The following USH2A variants were observed in gnomAD, a reference collection of about 807,000 sequenced individuals.
USH2A encodes the protein Usher syndrome 2A (autosomal recessive, mild).
USH2A carries 443 observed loss-of-function variants against 538.9 expected under a neutral mutation model. The observed-to-expected ratio is 0.82, with a 90% CI of 0.76 to 0.89. USH2A has a LOEUF of 0.89. USH2A is among the 40% of genes least tolerant of loss of function. USH2A has a pLI of 0.00. For missense variants in USH2A, 6,633 were observed against 6,324.8 expected (o/e 1.05, Z -1.65); for synonymous variants, 2,413 against 2,273.5 (o/e 1.06, Z -1.75).
chr1:215,669,043 G>T (rs1037975250), intron 64 of USH2A, among the ~76,000 whole-genome samples: 1 of 151,972 alleles, frequency 6.6e-6, no homozygotes, highest in African/African-American at 2.4e-5. Flanking sequence ...ACTCTGTCTC[G>T]AACAAAGAAA....
chr1:216,091,280 A>C (rs2032295321), intron 22 of USH2A, among the ~76,000 whole-genome samples: 1 of 152,194 alleles, frequency 6.6e-6, no homozygotes, highest in South Asian at 2.1e-4. Context: ...GCTTCCTTCC[A>C]AGTAAGCCCA....
intron 9 of USH2A, among the ~76,000 whole-genome samples, chr1:216,294,428 A>G (rs1233086930): frequency 1.3e-5 from 2 of 151,972 alleles, no homozygotes; most frequent in African/African-American, 2.4e-5. Flanking sequence ...TTGTATTACT[A>G]CATAGTTTTG....
At position 215,726,698 on chromosome 1, in the gene USH2A, G is replaced by T. The variant is rs547945237; in HGVS notation, c.12066+1332C>A. On this transcript the variant is annotated intron_variant, in intron 61 of 71. Transcript: ENST00000307340. ...TTGAGGGTTTTCCATATTTAATAAG[G>T]TCTTGGCACATATTTGTATTTCACT... Among the ~76,000 whole-genome samples the T allele has an allele frequency of 6.6e-5, 10 of 152,008 alleles. No homozygotes were observed. The East Asian group carries it at 1.9e-3, about 29-fold the overall frequency.
At chr1:215,941,392 G>T (rs1184639123) in intron 37 of USH2A, among the ~76,000 whole-genome samples, 1 of 152,032 alleles carries the variant, frequency 6.6e-6, no homozygotes, top group African/African-American at 2.4e-5. Flanking sequence ...TAGAAGTATG[G>T]TCTATTTTTA....
At chr1:216,212,046 G>C (rs1476738595) in intron 15 of USH2A, among the ~76,000 whole-genome samples, 1 of 152,050 alleles carries the variant, frequency 6.6e-6, no homozygotes, top group Non-Finnish European at 1.5e-5. Flanking sequence ...AATCAAAACT[G>C]ACCTTCAGAT....
chr1:215,693,090 A>ATGTGTG (rs759484242), intron 61 of USH2A, among the ~76,000 whole-genome samples: 17 of 52,664 alleles, frequency 3.2e-4, no homozygotes, highest in East Asian at 1.3e-3. Context: ...ATATATATAT[A>ATGTGTG]TATGTGTGTG....
intron 3 of USH2A, among the ~76,000 whole-genome samples, chr1:216,368,355 G>A (rs935996928): frequency 6.6e-6 from 1 of 152,098 alleles, no homozygotes; most frequent in Non-Finnish European, 1.5e-5. Flanking sequence ...CTAGATTATA[G>A]TAATTTTCCA....
intron 3 of USH2A, among the ~76,000 whole-genome samples, chr1:216,407,164 A>G (rs2039409678): frequency 6.6e-6 from 1 of 151,972 alleles, no homozygotes; most frequent in Admixed American, 6.6e-5. Flanking sequence ...ACAATTGAAC[A>G]CTAAGTATAA....
intron 47 of USH2A, among the ~76,000 whole-genome samples, chr1:215,831,729 C>G (rs1480086947): frequency 6.6e-6 from 1 of 151,914 alleles, no homozygotes; most frequent in African/African-American, 2.4e-5. Flanking sequence ...GAAGAAAGGT[C>G]TCAAATCAAT....
chr1:215,874,045 G>A (rs536948888), intron 43 of USH2A, among the ~76,000 whole-genome samples: 1 of 152,244 alleles, frequency 6.6e-6, no homozygotes, highest in African/African-American at 2.4e-5. Context: ...TGATCACTTA[G>A]GAACCAAGGC....
chr1:216,409,195 G>A (rs528015702), intron 3 of USH2A, among the ~76,000 whole-genome samples: 1 of 152,138 alleles, frequency 6.6e-6, no homozygotes, highest in African/African-American at 2.4e-5. Context: ...AATGAGAAAT[G>A]CAAAGCACTG....
At position 215,877,282 on chromosome 1, in the gene USH2A, C is replaced by T. The variant is rs367698199; in HGVS notation, c.8681+476G>A. Among the ~76,000 whole-genome samples the T allele has an allele frequency of 1.4e-4, 21 of 152,288 alleles. No individual in the cohort carries two copies. The East Asian group carries it at 3.9e-3, about 28-fold the overall frequency. On this transcript the variant is annotated intron_variant, in intron 43 of 71. Coordinates refer to ENST00000307340, the MANE Select transcript of USH2A (RefSeq NM_206933.4). ...AGCCTTTACTGAATGTCTTTGAACT[C>T]TAGATTGAATTCTTTCAAGTCCCAA...
intron 35 of USH2A, among the ~76,000 whole-genome samples, chr1:215,977,003 T>A (rs1046224858): frequency 3.3e-5 from 5 of 151,694 alleles, no homozygotes; most frequent in Admixed American, 6.6e-5. Flanking sequence ...TTTTTCTTTT[T>A]TTTCGGCGGG....
intron 47 of USH2A, among the ~76,000 whole-genome samples, chr1:215,823,310 G>C (rs1466554002): frequency 6.6e-6 from 1 of 152,020 alleles, no homozygotes; most frequent in East Asian, 1.9e-4. Flanking sequence ...ATTGTATGCA[G>C]TACTTTTATA....
At chr1:216,245,250 C>T (rs1433867914) in intron 13 of USH2A, among the ~76,000 whole-genome samples, 1 of 152,142 alleles carries the variant, frequency 6.6e-6, no homozygotes, top group East Asian at 1.9e-4. Flanking sequence ...AAAAGCTATA[C>T]TCATTTTATA....
intron 61 of USH2A, among the ~76,000 whole-genome samples, chr1:215,685,904 T>C (rs1658410066): frequency 1.3e-5 from 2 of 152,052 alleles, no homozygotes; most frequent in African/African-American, 2.4e-5. Flanking sequence ...AACACGTACA[T>C]GCAGAGTTGC....
chr1:215,769,595 G>C (rs1661222909), intron 55 of USH2A, among the ~76,000 whole-genome samples: 1 of 152,088 alleles, frequency 6.6e-6, no homozygotes, highest in African/African-American at 2.4e-5. Flanking sequence ...ATAGAGGGAG[G>C]AAAGTGCATC....
intron 21 of USH2A, among the ~76,000 whole-genome samples, chr1:216,153,076 T>A (rs776131720): frequency 1.3e-5 from 2 of 152,052 alleles, no homozygotes; most frequent in Non-Finnish European, 2.9e-5. Context: ...TCCCACTCCA[T>A]CCCCTTTCCA....
At chr1:215,956,874 G>T (rs1394970679) in intron 37 of USH2A, among the ~76,000 whole-genome samples, 1 of 152,096 alleles carries the variant, frequency 6.6e-6, no homozygotes. Flanking sequence ...CATTTCTATA[G>T]CTTTATTGGC....
Sources: gnomAD v4.1 joint callset for allele counts (sites outside exome capture counted in the v4.1 genomes callset) on GRCh38, gnomAD v4.1.1 for gene constraint, MANE v1.5 for transcripts, NCBI Gene and HGNC (gene_info 2026-07-23, HGNC 2026-07-21) for gene names.